Variants in PMVK observed in about 807,000 individuals in gnomAD.
The protein encoded by PMVK is testis tissue sperm-binding protein Li 95mP.
PMVK carries 10 observed loss-of-function variants against 19.0 expected under a neutral mutation model. That is an observed-to-expected ratio of 0.53 (90% confidence interval 0.32 to 0.89). The LOEUF is 0.89. PMVK is among the 40% of genes least tolerant of loss of function. The probability of loss-of-function intolerance (pLI) is 0.03; values close to 1 mark genes in which losing one functional copy is unlikely to be tolerated. For missense variants in PMVK, 222 were observed against 251.1 expected, an observed-to-expected ratio of 0.88 and a Z score of 0.78; for synonymous variants, 108 against 101.6, an observed-to-expected ratio of 1.06 and a Z score of -0.38.
At chr1:154,934,467 C>G (rs1654440044) in intron 1 of PMVK, among the ~76,000 whole-genome samples, 1 of 152,124 alleles carries the variant, frequency 6.6e-6, no homozygotes, top group African/African-American at 2.4e-5. Context: ...CTGGCATGCA[C>G]CACCATACCC....
At chr1:154,935,359 A>G (rs1432929405) in intron 1 of PMVK, among the ~76,000 whole-genome samples, 1 of 152,136 alleles carries the variant, frequency 6.6e-6, no homozygotes, top group Non-Finnish European at 1.5e-5. Context: ...CCCCCACCAC[A>G]CTGGCCTTCA....
chr1:154,939,857 G>A (rs80130718), upstream of PMVK, among the ~76,000 whole-genome samples: 5,853 of 152,134 alleles, frequency 0.038, 386 homozygotes, highest in African/African-American at 0.13. Context: ...TTGATGTCCT[G>A]GGCTCAAGCA....
intron 3 of PMVK, among the ~76,000 whole-genome samples, chr1:154,926,821 G>A (rs1395031881): frequency 6.6e-6 from 1 of 152,190 alleles, no homozygotes; most frequent in Admixed American, 6.5e-5. Context: ...AGAGCTTACA[G>A]TCTAGTGGGA....
upstream of PMVK, chr1:154,936,816 G>T: frequency 1.2e-6 from 1 of 818,258 alleles, no homozygotes; most frequent in Non-Finnish European, 2.0e-6. Context: ...CCTCGCCGTA[G>T]CTGCGAACAG....
intron 2 of PMVK, among the ~76,000 whole-genome samples, chr1:154,930,231 G>A (rs1654293130): frequency 6.6e-6 from 1 of 152,092 alleles, no homozygotes; most frequent in Non-Finnish European, 1.5e-5. Flanking sequence ...AGGCCGAGGC[G>A]GGCAGATCAC....
At chr1:154,929,248 G>T in intron 2 of PMVK, 72 bp from the exon 3 acceptor site, 1 of 1,457,016 alleles carries the variant, frequency 6.9e-7, no homozygotes, top group East Asian at 2.3e-5. Flanking sequence ...CAGCGGAAGA[G>T]CCATCCCTCA....
rs1003817207 is a variant in PMVK, at chr1:154,932,228, G to C, written c.159+124C>G. 17 of 737,548 alleles carry C rather than the reference G, an allele frequency of 2.3e-5. No homozygotes were observed. In the East Asian group the frequency reaches 4.3e-4, roughly 19 times the overall value. The allele number at this position is 737,548 out of a possible 1,614,324, so 45.7% of individuals were successfully genotyped here. A position where few individuals can be genotyped will look rare whatever the true frequency, so the allele number is the denominator to read the frequency against. On this transcript the variant is annotated intron_variant, in intron 2 of 4. Coordinates refer to ENST00000368467, the MANE Select transcript of PMVK (RefSeq NM_006556.4). Reference sequence around the variant, plus strand: ...AAGGTCCACTCACAGAAAACCAAGAGCTGGCCACCACCCTGCCAGCAGTGG... The same window carrying C: ...AAGGTCCACTCACAGAAAACCAAGACCTGGCCACCACCCTGCCAGCAGTGG...
chr1:154,933,395 T>A (rs1385520425), intron 1 of PMVK, among the ~76,000 whole-genome samples: 2 of 150,304 alleles, frequency 1.3e-5, no homozygotes, highest in Non-Finnish European at 3.0e-5. Flanking sequence ...ATCGCCCCAT[T>A]GCACTCCAGC....
upstream of PMVK, among the ~76,000 whole-genome samples, chr1:154,938,220 G>A (rs752357887): frequency 1.3e-5 from 2 of 152,146 alleles, no homozygotes; most frequent in Non-Finnish European, 2.9e-5. Flanking sequence ...ACTTACTCCC[G>A]GAGTCTCTTT....
At chr1:154,935,974 T>C (rs1654490998) in intron 1 of PMVK, among the ~76,000 whole-genome samples, 1 of 152,086 alleles carries the variant, frequency 6.6e-6, no homozygotes, top group South Asian at 2.1e-4. Flanking sequence ...GTGACAGACA[T>C]GACCACCACA....
At chr1:154,934,305 G>T (rs1654433984) in intron 1 of PMVK, among the ~76,000 whole-genome samples, 1 of 152,086 alleles carries the variant, frequency 6.6e-6, no homozygotes. Context: ...AACGATAAGT[G>T]TTCTTTGTTT....
At chr1:154,932,497 G>T in intron 1 of PMVK, 82 bp from the exon 2 acceptor site, 1 of 884,216 alleles carries the variant, frequency 1.1e-6, no homozygotes, top group Non-Finnish European at 1.7e-6. Flanking sequence ...CAAGAGGCCT[G>T]TGTTGAAGTC....
chr1:154,933,045 G>A (rs555835192), intron 1 of PMVK, among the ~76,000 whole-genome samples: 22 of 152,276 alleles, frequency 1.4e-4, no homozygotes, highest in African/African-American at 4.8e-4. Flanking sequence ...GGAGTTCCAG[G>A]CTACAGTGAG....
chr1:154,939,997 G>A (rs1258719914), upstream of PMVK, among the ~76,000 whole-genome samples: 3 of 150,424 alleles, frequency 2.0e-5, no homozygotes, highest in Non-Finnish European at 4.4e-5. Context: ...GGCTGGTCTC[G>A]AACTCCTGGC....
At chr1:154,936,944 C>A, upstream of PMVK, 1 of 489,858 alleles carries the variant, frequency 2.0e-6, no homozygotes, top group Non-Finnish European at 3.8e-6. Flanking sequence ...TCGTGAAGCT[C>A]CCCCACCCGA....
chr1:154,926,413 G>T lies in PMVK; in HGVS notation c.383C>A (p.Thr128Lys). The T allele has an allele frequency of 1.9e-6, 3 of 1,613,804 alleles. No homozygotes were observed. Among genetic ancestry groups the T allele is most frequent in the Non-Finnish European group, 2.5e-6 (3 of 1,179,916 alleles). ...FREAYGAVTQ[T>K]VRVVALEQSR... Reference sequence around the variant, plus strand: ...CTGCTCCAACGCTACAACGCGGACCGTCTGCGTCACGGCCCCATAGGCCTC... The same window carrying T: ...CTGCTCCAACGCTACAACGCGGACCTTCTGCGTCACGGCCCCATAGGCCTC... Residue 128 changes from threonine (T) to lysine (K), a missense_variant, in exon 4 of 5, where the codon ACG becomes AAG. Physicochemically the swap from Thr to Lys is moderately conservative, Grantham distance 78. Coordinates refer to ENST00000368467, the MANE Select transcript of PMVK (RefSeq NM_006556.4).
upstream of PMVK, chr1:154,937,894 C>T (rs1654562658): frequency 1.3e-5 from 2 of 151,830 alleles, no homozygotes; most frequent in Non-Finnish European, 2.9e-5. Flanking sequence ...CTCATCAACG[C>T]CCTAGAAGGC....
chr1:154,924,814 T>G lies in PMVK; in HGVS notation c.*315A>C. On this transcript the variant is annotated 3_prime_UTR_variant, in exon 5 of 5. Coordinates refer to ENST00000368467, the MANE Select transcript of PMVK (RefSeq NM_006556.4). Reference sequence around the variant, plus strand: ...TGCCCAGAACAAGGGGCTGAGAACATCCAGTCAGGATGCAAGGCCACCACA... The same window carrying G: ...TGCCCAGAACAAGGGGCTGAGAACAGCCAGTCAGGATGCAAGGCCACCACA... The G allele has an allele frequency of 5.7e-6, 2 of 349,732 alleles. No individual in the cohort carries two copies. Among genetic ancestry groups the G allele is most frequent in the Non-Finnish European group, 1.1e-5 (2 of 184,506 alleles). The allele number at this position is 349,732 out of a possible 1,614,324, so 21.7% of individuals were successfully genotyped here.
chr1:154,934,651 C>T (rs1004315549), intron 1 of PMVK, among the ~76,000 whole-genome samples: 1 of 152,150 alleles, frequency 6.6e-6, no homozygotes, highest in Non-Finnish European at 1.5e-5. Flanking sequence ...ATATAGCCAA[C>T]ATTTAGTTCC....
Sources: gnomAD v4.1 joint callset for allele counts (sites outside exome capture counted in the v4.1 genomes callset) on GRCh38, gnomAD v4.1.1 for gene constraint, MANE v1.5 for transcripts, NCBI Gene and HGNC (gene_info 2026-07-23, HGNC 2026-07-21) for gene names.